The following SLC25A21 variants were observed in gnomAD, a reference collection of about 807,000 sequenced individuals.
The protein encoded by SLC25A21 is solute carrier family 25 member 21.
In SLC25A21, 47 loss-of-function variants were observed where a neutral mutation model predicts 43.8. The ratio of observed to expected loss-of-function variants is 1.07; its 90% CI spans 0.85 to 1.37. SLC25A21 has a LOEUF of 1.37. SLC25A21 is among the 40% of genes most tolerant of loss of function. The pLI is 0.00. For synonymous variants in SLC25A21, 131 were observed against 121.3 expected, an observed-to-expected ratio of 1.08 and a Z score of -0.52; for missense variants, 352 against 350.2, an observed-to-expected ratio of 1.00 and a Z score of -0.04.
At chr14:36,731,731 G>A (rs1045938098) in intron 4 of SLC25A21, among the ~76,000 whole-genome samples, 3 of 152,108 alleles carry the variant, frequency 2.0e-5, no homozygotes, top group Admixed American at 6.5e-5. Flanking sequence ...CCTTGCAGGC[G>A]TGCACTGGTC....
chr14:36,855,962 T>G (rs974256323), intron 2 of SLC25A21, among the ~76,000 whole-genome samples: 3 of 152,026 alleles, frequency 2.0e-5, no homozygotes, highest in Non-Finnish European at 4.4e-5. Context: ...ATCTAGTGAG[T>G]AGAGGCCTTA....
intron 1 of SLC25A21, among the ~76,000 whole-genome samples, chr14:37,146,228 T>C (rs1963661679): frequency 6.6e-6 from 1 of 152,216 alleles, no homozygotes; most frequent in Admixed American, 6.5e-5. Context: ...CAGGTTATCT[T>C]TTAGGCACTA....
intron 2 of SLC25A21, among the ~76,000 whole-genome samples, 171 bp from the exon 3 acceptor site, chr14:36,814,172 T>C (rs1018686314): frequency 1.3e-5 from 2 of 152,236 alleles, no homozygotes; most frequent in African/African-American, 4.8e-5. Context: ...ATTTTCATAG[T>C]CTTTAAAATT....
chr14:37,082,900 A>G (rs1962415894), intron 1 of SLC25A21, among the ~76,000 whole-genome samples: 2 of 152,232 alleles, frequency 1.3e-5, no homozygotes, highest in Admixed American at 6.5e-5. Context: ...AACTCAGTAA[A>G]GCAAACTAAG....
Position 37,172,561 on chromosome 14 carries a change from C to A in SLC25A21, c.-211G>T. On this transcript the variant is annotated 5_prime_UTR_variant, in exon 1 of 10. Transcript: ENST00000331299. ...GGCGCGTCGGAACCTGTTCGCAGCG[C>A]TCTCGCAGAGGCGCCCTCGGCTCCG... The A allele has an allele frequency of 4.2e-6, 3 of 710,056 alleles. No individual in the cohort carries two copies. The highest frequency in any genetic ancestry group is 2.7e-5 in the East Asian group (1 of 37,180). The allele number at this position is 710,056 out of a possible 1,614,324, so 44.0% of individuals were successfully genotyped here.
chr14:36,822,866 C>T (rs1473768088), intron 2 of SLC25A21, among the ~76,000 whole-genome samples: 1 of 152,208 alleles, frequency 6.6e-6, no homozygotes, highest in Non-Finnish European at 1.5e-5. Flanking sequence ...TTCAGTCTTA[C>T]AGTACACTTA....
chr14:36,834,211 T>C (rs1165821431), intron 2 of SLC25A21, among the ~76,000 whole-genome samples: 1 of 152,228 alleles, frequency 6.6e-6, no homozygotes, highest in African/African-American at 2.4e-5. Flanking sequence ...TATTCTAAAC[T>C]GCAACTAGGT....
intron 1 of SLC25A21, among the ~76,000 whole-genome samples, chr14:37,091,544 A>T (rs1391663403): frequency 6.6e-6 from 1 of 152,204 alleles, no homozygotes; most frequent in Non-Finnish European, 1.5e-5. Context: ...AATAGACTGC[A>T]AAAAGGACCT....
At chr14:36,873,365 G>A (rs983700295) in intron 2 of SLC25A21, among the ~76,000 whole-genome samples, 8 of 151,862 alleles carry the variant, frequency 5.3e-5, no homozygotes, top group African/African-American at 9.7e-5. Flanking sequence ...GTGCGATCTC[G>A]GCTCACTGCA....
At chr14:36,699,891 C>T (rs1192504682) in intron 7 of SLC25A21, among the ~76,000 whole-genome samples, 3 of 152,156 alleles carry the variant, frequency 2.0e-5, no homozygotes, top group Non-Finnish European at 4.4e-5. Flanking sequence ...TCTCCCAACC[C>T]CTTGCACTTC....
intron 4 of SLC25A21, among the ~76,000 whole-genome samples, chr14:36,733,508 C>A (rs2415361): frequency 0.75 from 114,352 of 152,110 alleles, 43,122 homozygotes; most frequent in East Asian, 0.94. Flanking sequence ...ACTTTGACAT[C>A]ATATAAAGGT....
chr14:36,933,427 TGCC>T (rs1892342846), intron 1 of SLC25A21, among the ~76,000 whole-genome samples: 1 of 152,148 alleles, frequency 6.6e-6, no homozygotes. Context: ...ATTTGATGCA[TGCC>T]GGCTTCAACA....
chr14:36,919,830 T>C (rs2138622718), intron 1 of SLC25A21, among the ~76,000 whole-genome samples: 1 of 152,158 alleles, frequency 6.6e-6, no homozygotes, highest in South Asian at 2.1e-4. Flanking sequence ...CAGACCACAT[T>C]ATTATATCAC....
At chr14:36,892,777 C>A (rs533212543) in intron 1 of SLC25A21, among the ~76,000 whole-genome samples, 13 of 152,120 alleles carry the variant, frequency 8.5e-5, no homozygotes, top group African/African-American at 3.1e-4. Flanking sequence ...CAATTCCCAC[C>A]TATGAGTGAG....
chr14:37,042,356 A>G (rs914721804), intron 1 of SLC25A21, among the ~76,000 whole-genome samples: 1 of 152,320 alleles, frequency 6.6e-6, no homozygotes, highest in African/African-American at 2.4e-5. Context: ...ACACCCTCCA[A>G]TTTCTTCTAA....
At chr14:37,078,227 T>C (rs74337405) in intron 1 of SLC25A21, among the ~76,000 whole-genome samples, 7,527 of 152,038 alleles carry the variant, frequency 0.05, 241 homozygotes, top group African/African-American at 0.084. Flanking sequence ...AAAAGAAAAA[T>C]ATAGAGAAAA....
chr14:36,914,146 C>T (rs1483010225), intron 1 of SLC25A21, among the ~76,000 whole-genome samples: 2 of 152,162 alleles, frequency 1.3e-5, no homozygotes, highest in Admixed American at 6.5e-5. Context: ...AGAAAGACTT[C>T]AAGAAAATCT....
Position 37,001,082 on chromosome 14 carries a change from CA to C in SLC25A21, c.71-126079del, listed in dbSNP as rs900304047. The stretch of plus-strand genomic sequence containing the variant: ...ATCCTTTTATCTTGCTATATTTTTT[CA>C]TAGCACTTGCCACTTTCTGATTTTA... On this transcript the variant is annotated intron_variant, in intron 1 of 9. Coordinates refer to ENST00000331299, the MANE Select transcript of SLC25A21 (RefSeq NM_030631.4). 1.0e-3 allele frequency among the ~76,000 whole-genome samples: 159 copies of C among 152,244 alleles called. 2 individuals are homozygous for C. The highest frequency in any genetic ancestry group is 3.8e-3 in the African/African-American group (156 of 41,556).
intron 1 of SLC25A21, among the ~76,000 whole-genome samples, chr14:37,013,253 A>G (rs1253148211): frequency 3.9e-5 from 6 of 152,090 alleles, no homozygotes. Context: ...CTTTACAGAT[A>G]AAGATCAACT....
Sources: allele counts gnomAD v4.1 joint callset (sites outside exome capture counted in the v4.1 genomes callset), GRCh38; gene constraint gnomAD v4.1.1; transcripts MANE v1.5; gene names NCBI Gene and HGNC (gene_info 2026-07-23, HGNC 2026-07-21).